IQGAP1: variants seen among roughly 807,000 people sequenced by gnomAD.
IQGAP1 encodes the protein ras GTPase-activating-like protein IQGAP1.
IQGAP1 carries 66 observed loss-of-function variants against 215.6 expected under a neutral mutation model. The observed-to-expected ratio is 0.31, with a 90% CI of 0.25 to 0.38. The LOEUF is 0.38. Ranked by LOEUF, IQGAP1 falls within the 10% of genes least tolerant of loss-of-function variation. The pLI, the probability that IQGAP1 is intolerant of heterozygous loss-of-function variation, is 1.00. For missense variants in IQGAP1, 1,712 were observed against 1,997.1 expected (o/e 0.86, Z 2.72); for synonymous variants, 772 against 728.7 (o/e 1.06, Z -0.96).
chr15:90,392,254 G>A (rs1964646034), intron 2 of IQGAP1, among the ~76,000 whole-genome samples: 1 of 152,192 alleles, frequency 6.6e-6, no homozygotes, highest in Admixed American at 6.5e-5. Context: ...GATGACTTAA[G>A]TGAGGAGGAT....
chr15:90,392,012 C>T (rs1344403067), intron 2 of IQGAP1: 1 of 152,170 alleles, frequency 6.6e-6, no homozygotes, highest in Non-Finnish European at 1.5e-5. Flanking sequence ...GTACAACAAA[C>T]ATCATTGTAT....
intron 15 of IQGAP1, among the ~76,000 whole-genome samples, chr15:90,456,723 A>G (rs1042721206): frequency 1.3e-5 from 2 of 150,582 alleles, no homozygotes; most frequent in African/African-American, 4.9e-5. Context: ...TAAAAAAAAA[A>G]AAAAAAATAC....
chr15:90,431,164 G>A (rs1965297914), intron 4 of IQGAP1: 1 of 151,626 alleles, frequency 6.6e-6, no homozygotes, highest in South Asian at 2.1e-4. Context: ...CTGTGGAATT[G>A]TGTTAAATCA....
chr15:90,501,702 G>A lies in IQGAP1; in HGVS notation c.*1594G>A, dbSNP rs1966343858. ...CAGACCTTGTTTTTTGTTGTATTTT[G>A]GAAGACAGGTTTTTTAAAGAAACAT... On this transcript the variant is annotated 3_prime_UTR_variant, in exon 38 of 38. Coordinates refer to ENST00000268182, the MANE Select transcript of IQGAP1 (RefSeq NM_003870.4). 6.6e-6 allele frequency: 1 copy of A among 152,148 alleles called. No homozygotes were observed. Among genetic ancestry groups the A allele is most frequent in the Admixed American group, 6.6e-5 (1 of 15,262 alleles). The allele number at this position is 152,148 out of a possible 1,614,324, so 9.4% of individuals were successfully genotyped here.
At chr15:90,495,479 A>G (rs968283709) in intron 36 of IQGAP1, among the ~76,000 whole-genome samples, 3 of 152,114 alleles carry the variant, frequency 2.0e-5, no homozygotes, top group Non-Finnish European at 4.4e-5. Context: ...AGTAAAGCAT[A>G]AAAAAGAAAA....
chr15:90,456,687 C>A (rs1428270085), intron 15 of IQGAP1, among the ~76,000 whole-genome samples: 1 of 149,300 alleles, frequency 6.7e-6, no homozygotes, highest in Middle Eastern at 3.5e-3. Context: ...ACCAGCCTGG[C>A]CAACATGGTG....
At chr15:90,445,155 A>T (rs917230152) in intron 9 of IQGAP1, among the ~76,000 whole-genome samples, 1 of 151,746 alleles carries the variant, frequency 6.6e-6, no homozygotes, top group Admixed American at 6.6e-5. Flanking sequence ...TTTTTTTAAA[A>T]AAGAATCTGG....
intron 8 of IQGAP1, among the ~76,000 whole-genome samples, chr15:90,442,119 A>G (rs1239722099): frequency 6.6e-6 from 1 of 152,202 alleles, no homozygotes; most frequent in Non-Finnish European, 1.5e-5. Flanking sequence ...AAATATTAAC[A>G]TAGTCTTTCC....
intron 36 of IQGAP1, 86 bp from the exon 37 acceptor site, chr15:90,497,146 C>T: frequency 1.4e-6 from 1 of 710,482 alleles, no homozygotes; most frequent in Non-Finnish European, 2.4e-6. Flanking sequence ...CTCTTGAAGA[C>T]TTGGTTCATC....
intron 2 of IQGAP1, among the ~76,000 whole-genome samples, chr15:90,419,319 A>T (rs1965100043): frequency 6.6e-6 from 1 of 152,184 alleles, no homozygotes; most frequent in South Asian, 2.1e-4. Flanking sequence ...ATGCATGTAA[A>T]GTATTTGGCT....
chr15:90,437,664 A>G (rs1479123905), intron 5 of IQGAP1, among the ~76,000 whole-genome samples: 2 of 152,134 alleles, frequency 1.3e-5, no homozygotes, highest in African/African-American at 4.8e-5. Context: ...TTAGCCTCCC[A>G]AATGGCTAGG....
intron 9 of IQGAP1, among the ~76,000 whole-genome samples, chr15:90,446,083 G>A (rs1460774350): frequency 2.0e-5 from 3 of 152,186 alleles, no homozygotes; most frequent in Non-Finnish European, 2.9e-5. Flanking sequence ...TAATCCTTAA[G>A]TCAGCAAATA....
chr15:90,419,565 T>C (rs1429185501), intron 2 of IQGAP1, among the ~76,000 whole-genome samples: 1 of 152,230 alleles, frequency 6.6e-6, no homozygotes, highest in Non-Finnish European at 1.5e-5. Context: ...AAGAACCCTG[T>C]TGTCTGCTTG....
rs919862171 is a variant in IQGAP1, at chr15:90,465,608, A to G, written c.1777-393A>G. On this transcript the variant is annotated intron_variant, in intron 15 of 37. Coordinates refer to ENST00000268182, the MANE Select transcript of IQGAP1 (RefSeq NM_003870.4). ...CAGCCTAACCTCCTGGGCTCAAGCA[A>G]TCCTGCCTCAGCCTCCCTAGTAGCT... Among the ~76,000 whole-genome samples the G allele has an allele frequency of 2.5e-4, 38 of 151,752 alleles. 2 individuals carry two copies. The highest frequency in any genetic ancestry group is 2.1e-3 in the Admixed American group (32 of 15,238).
Position 90,439,411 on chromosome 15 carries a change from G to C in IQGAP1, c.535+12G>C, listed in dbSNP as rs1453067889. The C allele has an allele frequency of 6.2e-7, 1 of 1,605,838 alleles. No homozygotes were observed. Among genetic ancestry groups the C allele is most frequent in the Non-Finnish European group, 8.5e-7 (1 of 1,173,412 alleles). On this transcript the variant is annotated intron_variant, in intron 6 of 37. Transcript: ENST00000268182. The stretch of plus-strand genomic sequence containing the variant: ...GGTTGACTTCACAGGTAAGGAGTTA[G>C]ATACTTGGCAGGAAATGCTTGAATT...
intron 2 of IQGAP1, among the ~76,000 whole-genome samples, chr15:90,422,411 A>G (rs78725087): frequency 0.03 from 4,604 of 152,070 alleles, 233 homozygotes; most frequent in African/African-American, 0.1. Context: ...AATTCTAAAT[A>G]AAGAAGAACA....
chr15:90,440,534 G>C lies in IQGAP1; in HGVS notation c.568G>C (p.Glu190Gln). ...AATCAACAACATGAAGACTGAGTTG[G>C]AGAAGTATGGCATCCAGATGCCTGC... ...EEINNMKTEL[E>Q]KYGIQMPAFS... Residue 190 changes from glutamate to glutamine, a missense_variant, in exon 7 of 38, where the codon GAG becomes CAG. Glu to Gln is a conservative substitution (Grantham distance 29). Around this residue, in one of 2 missense-constraint regions of IQGAP1, gnomAD observed 1,021 missense variants for 1,074.2 expected, o/e 0.95. Transcript: ENST00000268182. The C allele has an allele frequency of 1.9e-6, 3 of 1,568,572 alleles. No individual in the cohort carries two copies. The highest frequency in any genetic ancestry group is 2.6e-6 in the Non-Finnish European group (3 of 1,155,026).
At chr15:90,491,987 A>G (rs752903997) in intron 34 of IQGAP1, among the ~76,000 whole-genome samples, 17 of 152,218 alleles carry the variant, frequency 1.1e-4, no homozygotes, top group Non-Finnish European at 2.4e-4. Flanking sequence ...GATGTATTAT[A>G]GTTCTCTTTT....
chr15:90,409,138 A>G (rs992752236), intron 2 of IQGAP1, among the ~76,000 whole-genome samples: 1 of 151,580 alleles, frequency 6.6e-6, no homozygotes, highest in Admixed American at 6.6e-5. Flanking sequence ...TCTTTAGCAC[A>G]TGAACATCCT....
Sources: gnomAD v4.1 joint callset for allele counts (sites outside exome capture counted in the v4.1 genomes callset) on GRCh38, gnomAD v4.1.1 for gene constraint, gnomAD v4.1.1 regional missense constraint, MANE v1.5 for transcripts, NCBI Gene and HGNC (gene_info 2026-07-23, HGNC 2026-07-21) for gene names.